Variants in FER1L6 observed in about 807,000 individuals in gnomAD.
FER1L6 encodes the protein fer-1-like protein 6.
In FER1L6, 177 loss-of-function variants were observed where a neutral mutation model predicts 219.2. That is an observed-to-expected ratio of 0.81 (90% CI 0.71 to 0.91). The LOEUF is 0.91. Among genes scored for constraint, FER1L6 ranks in the 40% least tolerant of loss-of-function variants. FER1L6 has a pLI of 0.00. For missense variants in FER1L6, 2,153 were observed against 2,259.9 expected (o/e 0.95, Z 0.96); for synonymous variants, 768 against 824.3 (o/e 0.93, Z 1.17).
chr8:124,016,032 A>G (rs1033948079), intron 15 of FER1L6: 1 of 152,892 alleles, frequency 6.5e-6, no homozygotes, highest in African/African-American at 2.4e-5. Flanking sequence ...TAGCCAGCAG[A>G]CAGGTTGGGT....
intron 34 of FER1L6, 142 bp downstream of exon 34, chr8:124,091,725 G>T (rs1196245025): frequency 1.2e-5 from 10 of 830,212 alleles, no homozygotes; most frequent in Non-Finnish European, 1.8e-5. Flanking sequence ...CCAGCACTAT[G>T]GGAGGCTGAG....
In FER1L6 at chr8:123,980,771, C is replaced by A; in HGVS notation, c.1370C>A (p.Ser457Ter). 6.2e-7 allele frequency: 1 copy of A among 1,614,114 alleles called. No individual in the cohort carries two copies. Residue 457 changes from serine to a stop codon, truncating the protein, a stop_gained, in exon 11 of 41, where the codon TCA becomes TAA. Coordinates refer to ENST00000522917, the MANE Select transcript of FER1L6 (RefSeq NM_001039112.2). LOFTEE classifies it high-confidence loss of function. The part of the protein sequence containing the change: ...KSQQASNKTN[S>*]TEVEVESFDV... ...CAACAGGCTTCAAACAAAACTAACT[C>A]AACCGAGGTGGAGGTGGAATCGTTC...
intron 6 of FER1L6, among the ~76,000 whole-genome samples, chr8:123,970,924 G>C (rs936818426): frequency 6.6e-6 from 1 of 152,196 alleles, no homozygotes; most frequent in African/African-American, 2.4e-5. Flanking sequence ...CCTTACCAGC[G>C]TGACAGATCA....
chr8:123,895,506 G>T (rs1812728268), intron 1 of FER1L6, among the ~76,000 whole-genome samples: 1 of 152,174 alleles, frequency 6.6e-6, no homozygotes, highest in Admixed American at 6.5e-5. Flanking sequence ...AATGAGAAAG[G>T]TGACACACAG....
chr8:123,970,751 T>C (rs1815766844), intron 6 of FER1L6, among the ~76,000 whole-genome samples: 1 of 152,094 alleles, frequency 6.6e-6, no homozygotes, highest in South Asian at 2.1e-4. Context: ...AAGGGCCCAA[T>C]CCAACTTTGC....
At chr8:124,005,237 A>G (rs1423807996) in intron 13 of FER1L6, among the ~76,000 whole-genome samples, 1 of 152,134 alleles carries the variant, frequency 6.6e-6, no homozygotes, top group Non-Finnish European at 1.5e-5. Flanking sequence ...AGAACCAGTT[A>G]CTCTCCTGAT....
intron 1 of FER1L6, among the ~76,000 whole-genome samples, chr8:123,862,536 A>G (rs1212238203): frequency 2.1e-5 from 3 of 140,806 alleles, no homozygotes; most frequent in East Asian, 2.0e-4. Flanking sequence ...ATTGATTGGA[A>G]TAGTTTCAGA....
At chr8:123,854,115 C>T (rs899660340) in intron 1 of FER1L6, among the ~76,000 whole-genome samples, 14 of 152,280 alleles carry the variant, frequency 9.2e-5, no homozygotes, top group African/African-American at 2.9e-4. Context: ...TTTCTCAGGA[C>T]AGTTACGGCT....
At chr8:124,003,426 G>C (rs1817508460) in intron 13 of FER1L6, 79 bp downstream of exon 13, 1 of 286,640 alleles carries the variant, frequency 3.5e-6, no homozygotes. Flanking sequence ...GTTTTCTTCA[G>C]TTCTTCACTA....
chr8:123,924,230 T>G (rs1586471144), intron 1 of FER1L6, among the ~76,000 whole-genome samples: 1 of 65,090 alleles, frequency 1.5e-5, no homozygotes, highest in African/African-American at 6.9e-5. Context: ...GGAGACTCAG[T>G]ATCAAAAAAA....
At chr8:124,068,185 T>C (rs1362280593) in intron 28 of FER1L6, among the ~76,000 whole-genome samples, 1 of 152,186 alleles carries the variant, frequency 6.6e-6, no homozygotes, top group East Asian at 1.9e-4. Context: ...TAGATCTTGT[T>C]TGGCAGAAAG....
At chr8:123,966,127 C>T (rs982238564) in intron 4 of FER1L6, 32 bp from the exon 5 acceptor site, 40 of 1,613,664 alleles carry the variant, frequency 2.5e-5, no homozygotes, top group East Asian at 1.3e-4. Flanking sequence ...TGGCGGTGTC[C>T]GGAATGGTGT....
chr8:124,119,561 G>T, intron 40 of FER1L6, 46 bp from the exon 41 acceptor site: 1 of 1,284,448 alleles, frequency 7.8e-7, no homozygotes, highest in South Asian at 1.3e-5. Flanking sequence ...CATTCTGAGT[G>T]TTGACAGGAT....
intron 10 of FER1L6, 42 bp from the exon 11 acceptor site, chr8:123,980,423 G>A (rs771187985): frequency 2.0e-6 from 3 of 1,493,564 alleles, no homozygotes; most frequent in Non-Finnish European, 1.8e-6. Context: ...CTTTTATAAA[G>A]CAAAAACATA....
At chr8:124,063,875 G>A (rs1439558362) in intron 25 of FER1L6, among the ~76,000 whole-genome samples, 1 of 152,150 alleles carries the variant, frequency 6.6e-6, no homozygotes, top group Non-Finnish European at 1.5e-5. Context: ...GCCCAGTTAA[G>A]AATCTCATGA....
intron 1 of FER1L6, among the ~76,000 whole-genome samples, chr8:123,866,317 T>A (rs894261942): frequency 3.3e-5 from 5 of 151,278 alleles, no homozygotes; most frequent in Admixed American, 6.6e-5. Flanking sequence ...TATATATATT[T>A]TATATATATA....
chr8:123,948,041 G>A (rs1166623286), intron 1 of FER1L6, among the ~76,000 whole-genome samples: 1 of 152,208 alleles, frequency 6.6e-6, no homozygotes, highest in Non-Finnish European at 1.5e-5. Flanking sequence ...AGGCTATAGT[G>A]TGGAGAACCC....
intron 1 of FER1L6, among the ~76,000 whole-genome samples, chr8:123,877,844 T>C (rs1817032493): frequency 2.0e-5 from 3 of 151,798 alleles, no homozygotes; most frequent in African/African-American, 4.8e-5. Flanking sequence ...TTTATCACTA[T>C]GAAAAAAGAA....
intron 1 of FER1L6, chr8:123,925,999 C>T (rs1052945617): frequency 2.0e-5 from 3 of 152,224 alleles, no homozygotes; most frequent in African/African-American, 7.2e-5. Flanking sequence ...CAGCCCTGCT[C>T]ACTTCTTATT....
Sources: allele counts gnomAD v4.1 joint callset (sites outside exome capture counted in the v4.1 genomes callset), GRCh38; gene constraint gnomAD v4.1.1; transcripts MANE v1.5; gene names NCBI Gene and HGNC (gene_info 2026-07-23, HGNC 2026-07-21).